UPP2: variants seen among roughly 807,000 people sequenced by gnomAD.
UPP2 encodes uridine phosphorylase 2.
In UPP2, 23 loss-of-function variants were observed where a neutral mutation model predicts 26.7. The observed-to-expected ratio is 0.86, with a 90% CI of 0.62 to 1.22. The LOEUF is 1.22. Among genes scored for constraint, UPP2 ranks in the 50% most tolerant of loss-of-function variants. The probability of loss-of-function intolerance (pLI) is 0.00; values close to 1 mark genes in which losing one functional copy is unlikely to be tolerated. For synonymous variants in UPP2, 127 were observed against 141.3 expected, an observed-to-expected ratio of 0.90 and a Z score of 0.72; for missense variants, 387 against 396.7, an observed-to-expected ratio of 0.98 and a Z score of 0.21.
intron 3 of UPP2, among the ~76,000 whole-genome samples, chr2:158,088,069 A>G (rs766914808): frequency 1.6e-4 from 25 of 152,162 alleles, no homozygotes; most frequent in Admixed American, 1.5e-3. Flanking sequence ...TTATTCTCTC[A>G]AATATGTTTT....
intron 3 of UPP2, among the ~76,000 whole-genome samples, chr2:158,074,655 CAGGA>C (rs1425909927): frequency 1.4e-5 from 2 of 143,010 alleles, no homozygotes; most frequent in Non-Finnish European, 3.0e-5. Flanking sequence ...CAAAGAAAGA[CAGGA>C]AGGAAGGAAA....
At chr2:158,085,372 T>C (rs1682795922) in intron 3 of UPP2, among the ~76,000 whole-genome samples, 1 of 152,172 alleles carries the variant, frequency 6.6e-6, no homozygotes, top group Non-Finnish European at 1.5e-5. Flanking sequence ...CTTTGCTGAA[T>C]TCATTTATCA....
At chr2:158,133,959 C>T (rs1683877411) in intron 6 of UPP2, 1 of 152,192 alleles carries the variant, frequency 6.6e-6, no homozygotes, top group African/African-American at 2.4e-5. Flanking sequence ...TGATATGAAA[C>T]TGACAATAAA....
intron 6 of UPP2, among the ~76,000 whole-genome samples, chr2:158,129,167 C>T (rs1049921725): frequency 2.6e-5 from 4 of 152,002 alleles, no homozygotes; most frequent in Non-Finnish European, 5.9e-5. Context: ...TGATTCCACC[C>T]TGTCTGTGGT....
At chr2:158,083,910 T>C (rs1026887101) in intron 3 of UPP2, among the ~76,000 whole-genome samples, 4 of 149,766 alleles carry the variant, frequency 2.7e-5, no homozygotes, top group African/African-American at 4.9e-5. Context: ...TCTATGGTGA[T>C]TGAGTGGCAT....
chr2:158,074,697 A>G (rs931331159), intron 3 of UPP2, among the ~76,000 whole-genome samples: 3 of 150,836 alleles, frequency 2.0e-5, no homozygotes, highest in Admixed American at 2.0e-4. Flanking sequence ...TCATACACAC[A>G]CACACACACA....
chr2:158,112,464 G>A (rs1683339587), intron 2 of UPP2, among the ~76,000 whole-genome samples: 2 of 152,064 alleles, frequency 1.3e-5, no homozygotes, highest in African/African-American at 4.8e-5. Flanking sequence ...CAAAATGGAT[G>A]AAAGACCTAA....
chr2:158,024,236 T>G (rs1224325632), intron 3 of UPP2, among the ~76,000 whole-genome samples: 1 of 152,162 alleles, frequency 6.6e-6, no homozygotes, highest in Non-Finnish European at 1.5e-5. Context: ...GACAAAGACC[T>G]GGGCTTCCTG....
intron 3 of UPP2, among the ~76,000 whole-genome samples, chr2:158,017,460 C>G (rs137903784): frequency 2.5e-4 from 38 of 152,206 alleles, no homozygotes; most frequent in African/African-American, 8.7e-4. Flanking sequence ...CTTGAAATGG[C>G]TATTTACCCA....
intron 3 of UPP2, among the ~76,000 whole-genome samples, chr2:158,029,561 G>A (rs79260784): frequency 0.037 from 5,597 of 152,210 alleles, 139 homozygotes; most frequent in Non-Finnish European, 0.056. Context: ...CAGTAGAGTG[G>A]CAACTGAATA....
chr2:158,102,027 A>T lies in UPP2; in HGVS notation c.-37A>T. The T allele has an allele frequency of 6.2e-7, 1 of 1,607,494 alleles. No homozygotes were observed. Among genetic ancestry groups the T allele is most frequent in the Non-Finnish European group, 8.5e-7 (1 of 1,178,808 alleles). ...CAAGTCACAATATCTCTCTTTCTTG[A>T]CATCAATTTAAGGTGACTTTTCACA... On this transcript the variant is annotated 5_prime_UTR_variant, in exon 1 of 7. Transcript: ENST00000005756.
At chr2:158,119,007 C>T (rs952336569) in intron 4 of UPP2, among the ~76,000 whole-genome samples, 13 of 152,030 alleles carry the variant, frequency 8.6e-5, no homozygotes, top group African/African-American at 3.1e-4. Context: ...AGAGTGCTAG[C>T]AATAAGTGTC....
intron 2 of UPP2, among the ~76,000 whole-genome samples, chr2:158,000,591 G>C (rs745595761): frequency 1.2e-4 from 18 of 152,164 alleles, no homozygotes; most frequent in Non-Finnish European, 2.6e-4. Context: ...CAGAGGGAAA[G>C]GTGGCCTGAA....
intron 2 of UPP2, among the ~76,000 whole-genome samples, chr2:158,011,394 T>G (rs576375888): frequency 6.6e-6 from 1 of 152,346 alleles, no homozygotes; most frequent in South Asian, 2.1e-4. Context: ...GCTTCTTTTC[T>G]GGCTCTTTAC....
intron 3 of UPP2, among the ~76,000 whole-genome samples, chr2:158,058,413 C>A (rs1419411208): frequency 3.0e-5 from 2 of 66,430 alleles, no homozygotes; most frequent in Admixed American, 1.6e-4. Context: ...TCTCTCTCCC[C>A]CCAACCTGTG....
chr2:158,037,125 A>G (rs1684014467), intron 3 of UPP2, among the ~76,000 whole-genome samples: 1 of 152,200 alleles, frequency 6.6e-6, no homozygotes, highest in South Asian at 2.1e-4. Flanking sequence ...CTGTAATCCC[A>G]GCACTTTGGG....
At chr2:158,121,158 C>T (rs1215015501) in intron 4 of UPP2, among the ~76,000 whole-genome samples, 5 of 151,984 alleles carry the variant, frequency 3.3e-5, no homozygotes, top group Non-Finnish European at 5.9e-5. Context: ...CACTAATTTG[C>T]ATGTCCAAGA....
At chr2:158,130,157 C>T (rs1225538697) in intron 6 of UPP2, among the ~76,000 whole-genome samples, 2 of 152,006 alleles carry the variant, frequency 1.3e-5, no homozygotes, top group Non-Finnish European at 2.9e-5. Flanking sequence ...AGATTGAGCT[C>T]TGAGTTTCCT....
chr2:158,011,900 G>A (rs1683585110), intron 2 of UPP2, among the ~76,000 whole-genome samples: 1 of 152,168 alleles, frequency 6.6e-6, no homozygotes, highest in South Asian at 2.1e-4. Context: ...ATTTCCTGGA[G>A]CTGAAGAAAC....
Sources: allele counts gnomAD v4.1 joint callset (sites outside exome capture counted in the v4.1 genomes callset), GRCh38; gene constraint gnomAD v4.1.1; transcripts MANE v1.5; gene names NCBI Gene and HGNC (gene_info 2026-07-23, HGNC 2026-07-21).